Variants in FBP1 observed in about 807,000 individuals in gnomAD.
FBP1 encodes the protein fructose-1,6-bisphosphatase 1.
Under a neutral mutation model 29.9 loss-of-function variants are expected in FBP1, and 22 were observed. The ratio of observed to expected loss-of-function variants is 0.74; its 90% CI spans 0.53 to 1.05. FBP1 has a LOEUF of 1.05. Ranked by LOEUF, FBP1 falls within the 50% of genes least tolerant of loss-of-function variation. The pLI is 0.00. For synonymous variants in FBP1, 175 were observed against 178.6 expected, an observed-to-expected ratio of 0.98 and a Z score of 0.16; for missense variants, 345 against 448.2, an observed-to-expected ratio of 0.77 and a Z score of 2.08.
chr9:94,623,538 C>T lies in FBP1; in HGVS notation c.171-3047G>A, dbSNP rs28369679. Among the ~76,000 whole-genome samples, 442 of 152,314 alleles carry T rather than the reference C, an allele frequency of 2.9e-3. 2 individuals are homozygous for T. Among genetic ancestry groups the T allele is most frequent in the African/African-American group, 0.01 (425 of 41,576 alleles). On this transcript the variant is annotated intron_variant, in intron 1 of 6. Transcript: ENST00000375326. ...AGCCTGACAGGGACAGCTCGGGGGG[C>T]CGGGAGGGCTGGGCAGAGGGGCCGA... is the stretch of plus-strand genomic sequence containing the variant.
At chr9:94,610,565 G>C (rs1473977605) in intron 3 of FBP1, among the ~76,000 whole-genome samples, 1 of 152,212 alleles carries the variant, frequency 6.6e-6, no homozygotes, top group Non-Finnish European at 1.5e-5. Flanking sequence ...TCTCAGAAAC[G>C]TAGGAACTCA....
At chr9:94,606,034 C>A (rs973149748) in intron 5 of FBP1, among the ~76,000 whole-genome samples, 2 of 151,816 alleles carry the variant, frequency 1.3e-5, no homozygotes, top group Admixed American at 6.6e-5. Flanking sequence ...CTCGGGTGTG[C>A]GTGTGCGGAG....
chr9:94,606,339 A>C (rs1827700005), intron 5 of FBP1, among the ~76,000 whole-genome samples: 1 of 152,216 alleles, frequency 6.6e-6, no homozygotes, highest in East Asian at 1.9e-4. Context: ...GATGCACCTC[A>C]GGCAGGCCTA....
At chr9:94,638,329 G>A (rs1441806275) in intron 1 of FBP1, among the ~76,000 whole-genome samples, 8 of 152,080 alleles carry the variant, frequency 5.3e-5, no homozygotes, top group Admixed American at 4.6e-4. Flanking sequence ...ATGGAAGGAG[G>A]GCACACATCT....
intron 3 of FBP1, among the ~76,000 whole-genome samples, chr9:94,615,583 A>G (rs1827850334): frequency 6.6e-6 from 1 of 152,210 alleles, no homozygotes; most frequent in Non-Finnish European, 1.5e-5. Flanking sequence ...GTTCCTTGGC[A>G]TGACTTGGAA....
chr9:94,632,372 A>C (rs1390992161), intron 1 of FBP1, among the ~76,000 whole-genome samples: 1 of 152,200 alleles, frequency 6.6e-6, no homozygotes, highest in African/African-American at 2.4e-5. Context: ...GTTTACAAAA[A>C]AATGAAAATA....
chr9:94,622,379 G>T (rs931349027), intron 1 of FBP1, among the ~76,000 whole-genome samples: 4 of 152,244 alleles, frequency 2.6e-5, no homozygotes, highest in Non-Finnish European at 5.9e-5. Context: ...GCACACCCGC[G>T]CCCTTGGCCA....
intron 1 of FBP1, among the ~76,000 whole-genome samples, chr9:94,634,459 A>C (rs1828161798): frequency 6.6e-6 from 1 of 152,342 alleles, no homozygotes; most frequent in Admixed American, 6.5e-5. Flanking sequence ...GAATGAAATC[A>C]GTGAATTCTT....
intron 5 of FBP1, among the ~76,000 whole-genome samples, chr9:94,606,324 T>C (rs1288839040): frequency 6.6e-6 from 1 of 152,136 alleles, no homozygotes; most frequent in Non-Finnish European, 1.5e-5. Flanking sequence ...TCGAGATAAC[T>C]GATAGATGCA....
In FBP1 at chr9:94,622,105, A is replaced by T. The variant is rs975434144; in HGVS notation, c.171-1614T>A. Among the ~76,000 whole-genome samples, 4 of 152,262 alleles carry T rather than the reference A, an allele frequency of 2.6e-5. No individual in the cohort carries two copies. In the East Asian group the frequency reaches 7.7e-4, roughly 29 times the overall value. Reference sequence around the variant, plus strand: ...GTCCTAGGGCATGGAAGTTGCAGGGATCCTGGAGTTTTCACTATTTTTAAG... The same window carrying T: ...GTCCTAGGGCATGGAAGTTGCAGGGTTCCTGGAGTTTTCACTATTTTTAAG... On this transcript the variant is annotated intron_variant, in intron 1 of 6. Transcript: ENST00000375326.
chr9:94,621,147 G>A (rs1827941280), intron 1 of FBP1, among the ~76,000 whole-genome samples: 1 of 150,592 alleles, frequency 6.6e-6, no homozygotes, highest in African/African-American at 2.5e-5. Context: ...CCAGGAGGCG[G>A]AGCTTGCAGT....
Position 94,605,552 on chromosome 9 carries a change from G to A in FBP1, c.730C>T (p.Arg244Trp), listed in dbSNP as rs200679026. 378 of 1,613,658 alleles carry A rather than the reference G, an allele frequency of 2.3e-4. 1 individual carries two copies. The highest frequency in any genetic ancestry group is 5.0e-5 in the Admixed American group (3 of 59,968). ...TCAGCCACCATGGAGCCCACATACC[G>A]GGCCCCATAAGGAGCTGAATTATCC... ...PPDNSAPYGA[R>W]YVGSMVADVH... The change falls in exon 6 of 7, where the codon CGG becomes TGG. Residue 244 changes from arginine (R) to tryptophan (W), a missense_variant. Physicochemically the swap from Arg to Trp is moderately radical, Grantham distance 101. Transcript: ENST00000375326.
chr9:94,610,938 A>C (rs562245157), intron 3 of FBP1, among the ~76,000 whole-genome samples: 1 of 149,302 alleles, frequency 6.7e-6, no homozygotes, highest in Admixed American at 6.8e-5. Context: ...ATCTCGGCTC[A>C]CTGCAAGCTC....
At chr9:94,620,567 G>T in intron 1 of FBP1, 76 bp from the exon 2 acceptor site, 1 of 1,401,292 alleles carries the variant, frequency 7.1e-7, no homozygotes, top group Non-Finnish European at 1.0e-6. Flanking sequence ...CCCACCAAAA[G>T]TGAGTGTTCG....
In FBP1 at chr9:94,639,381, G is replaced by A. The variant is rs1343575075; in HGVS notation, c.-71C>T. ...GCGGGGCTGCAGGTGCGGGCGGCAA[G>A]AGAGGGCAGTAGGCACTGGCCGCAG... On this transcript the variant is annotated 5_prime_UTR_variant, in exon 1 of 7. Coordinates refer to ENST00000375326, the MANE Select transcript of FBP1 (RefSeq NM_000507.4). The A allele has an allele frequency of 6.5e-7, 1 of 1,532,588 alleles. No individual in the cohort carries two copies. The highest frequency in any genetic ancestry group is 8.9e-7 in the Non-Finnish European group (1 of 1,129,118). 94.9% of individuals were successfully genotyped at this position (1,532,588 alleles called of 1,614,324 possible).
rs762664627 is a variant in FBP1 at position 94,610,015 on chromosome 9, C to T, written c.473G>A (p.Arg158Gln). 39 of 1,613,794 alleles carry T rather than the reference C, an allele frequency of 2.4e-5. No homozygotes were observed. The highest frequency in any genetic ancestry group is 4.5e-5 in the East Asian group (2 of 44,896). ...PSEKDALQPG[R>Q]NLVAAGYALY... ...TGCGTAGCCGGCTGCCACCAGGTTC[C>T]GGCCTGGTTGCAGAGCATCCTTCTC... Residue 158 changes from arginine to glutamine, a missense_variant, in exon 4 of 7, where the codon CGG becomes CAG. Coordinates refer to ENST00000375326, the MANE Select transcript of FBP1 (RefSeq NM_000507.4).
chr9:94,631,660 G>A (rs1828105807), intron 1 of FBP1, among the ~76,000 whole-genome samples: 2 of 152,210 alleles, frequency 1.3e-5, no homozygotes, highest in Non-Finnish European at 2.9e-5. Flanking sequence ...CACTGTGACT[G>A]AGTAACACGA....
At chr9:94,614,791 C>G (rs1827838652) in intron 3 of FBP1, among the ~76,000 whole-genome samples, 1 of 152,142 alleles carries the variant, frequency 6.6e-6, no homozygotes, top group Admixed American at 6.5e-5. Context: ...ATGTTTATGC[C>G]TCATGAGCCC....
chr9:94,610,632 G>A (rs1245557975), intron 3 of FBP1, among the ~76,000 whole-genome samples: 2 of 152,168 alleles, frequency 1.3e-5, no homozygotes, highest in African/African-American at 4.8e-5. Context: ...TGTTTTAACC[G>A]TGATGCATGG....
Sources: gnomAD v4.1 joint callset for allele counts (sites outside exome capture counted in the v4.1 genomes callset) on GRCh38, gnomAD v4.1.1 for gene constraint, MANE v1.5 for transcripts, NCBI Gene and HGNC (gene_info 2026-07-23, HGNC 2026-07-21) for gene names.